Variants in NMU observed in about 807,000 individuals in gnomAD.
NMU encodes neuromedin U.
A neutral mutation model predicts 35.4 loss-of-function variants in NMU; 29 were observed. The ratio of observed to expected loss-of-function variants is 0.82; its 90% CI spans 0.61 to 1.12. The LOEUF is 1.12. NMU is among the 50% of genes most tolerant of loss of function. The pLI, the probability that NMU is intolerant of heterozygous loss-of-function variation, is 0.00. For synonymous variants in NMU, 78 were observed against 81.3 expected, an observed-to-expected ratio of 0.96 and a Z score of 0.22; for missense variants, 199 against 206.2, an observed-to-expected ratio of 0.97 and a Z score of 0.21.
chr4:55,614,785 G>A (rs551426876), intron 3 of NMU, among the ~76,000 whole-genome samples: 6 of 152,134 alleles, frequency 3.9e-5, no homozygotes, highest in Non-Finnish European at 5.9e-5. Flanking sequence ...TTTTGAGGAT[G>A]TTCCTGAATT....
At chr4:55,618,622 C>T (rs1006686681) in intron 2 of NMU, among the ~76,000 whole-genome samples, 1 of 151,312 alleles carries the variant, frequency 6.6e-6, no homozygotes, top group Admixed American at 6.6e-5. Flanking sequence ...TCTCTCTCCT[C>T]TTTCTTCTTT....
chr4:55,617,798 C>G (rs1218387890), intron 2 of NMU, among the ~76,000 whole-genome samples: 1 of 152,184 alleles, frequency 6.6e-6, no homozygotes, highest in Non-Finnish European at 1.5e-5. Flanking sequence ...ACATTACCCA[C>G]TCCAGGGGAA....
chr4:55,631,052 CA>C (rs1481266396), intron 1 of NMU, among the ~76,000 whole-genome samples: 2 of 152,036 alleles, frequency 1.3e-5, no homozygotes, highest in Non-Finnish European at 2.9e-5. Flanking sequence ...TATTCTTCAA[CA>C]AGTATACAAA....
chr4:55,603,585 T>A lies in NMU; in HGVS notation c.435+1690A>T, dbSNP rs943886344. Among the ~76,000 whole-genome samples, 6 of 152,020 alleles carry A rather than the reference T, an allele frequency of 3.9e-5. No homozygotes were observed. The East Asian group carries it at 1.2e-3, about 29-fold the overall frequency. On this transcript the variant is annotated intron_variant, in intron 7 of 9. Transcript: ENST00000264218. ...TGAGATAATATAAGACTGAAAATTA[T>A]AATGTATTACAGCAAGGGAAGGCAT...
At chr4:55,611,610 G>A (rs978306437) in intron 3 of NMU, among the ~76,000 whole-genome samples, 5 of 151,996 alleles carry the variant, frequency 3.3e-5, no homozygotes, top group Non-Finnish European at 7.4e-5. Flanking sequence ...CTATACAAGT[G>A]TATCATTTTT....
chr4:55,601,641 CA>C (rs1229047766), intron 7 of NMU, among the ~76,000 whole-genome samples: 1 of 151,916 alleles, frequency 6.6e-6, no homozygotes, highest in Non-Finnish European at 1.5e-5. Flanking sequence ...TTTAAGTTTT[CA>C]AAATTTAAAA....
chr4:55,636,098 C>A lies in NMU; in HGVS notation c.95G>T (p.Cys32Phe). 6.5e-7 allele frequency: 1 copy of A among 1,530,832 alleles called. No individual in the cohort carries two copies. The highest frequency in any genetic ancestry group is 8.7e-7 in the Non-Finnish European group (1 of 1,145,002). 94.8% of individuals were successfully genotyped at this position (1,530,832 alleles called of 1,614,324 possible). The change falls in exon 1 of 10, where the codon TGC (cysteine) becomes TTC (phenylalanine). Residue 32 changes from cysteine (C) to phenylalanine (F), a missense_variant. By Grantham distance (205) the Cys-to-Phe change is radical (BLOSUM62 -2). Transcript: ENST00000264218. The surrounding 1 kb of genome is among the most constrained non-coding windows in gnomAD (Gnocchi z 4.0). ...CGTCTTACCTCGGCAGGCGCCCGCGCACCAGGCGAGCAGCAGCAGCAGCAG... is the reference window on the plus strand; with the variant it reads ...CGTCTTACCTCGGCAGGCGCCCGCGAACCAGGCGAGCAGCAGCAGCAGCAG... ...LLLLLLLLAW[C>F]AGACRGAPIL...
chr4:55,636,459 C>T, upstream of NMU: 3 of 432,174 alleles, frequency 6.9e-6, no homozygotes, highest in African/African-American at 2.1e-5. This position sits in a 1 kb window ranked among gnomAD's most constrained non-coding sequence, Gnocchi z 4.0. Flanking sequence ...GACCCGAGCC[C>T]CCTAGCCTGA....
intron 7 of NMU, among the ~76,000 whole-genome samples, chr4:55,604,027 A>ACGTATATATGTATAT (rs1733567304): frequency 4.1e-4 from 12 of 28,992 alleles, no homozygotes; most frequent in African/African-American, 1.2e-3. Context: ...GTATATATAT[A>ACGTATATATGTATAT]ATCCTAGAAA....
intron 3 of NMU, among the ~76,000 whole-genome samples, chr4:55,614,783 A>C (rs1011239278): frequency 6.6e-6 from 1 of 152,202 alleles, no homozygotes; most frequent in African/African-American, 2.4e-5. Context: ...GATTTTGAGG[A>C]TGTTCCTGAA....
chr4:55,618,602 C>T (rs931199062), intron 2 of NMU, among the ~76,000 whole-genome samples: 1 of 150,924 alleles, frequency 6.6e-6, no homozygotes, highest in Non-Finnish European at 1.5e-5. Context: ...TTTCTTTCTT[C>T]TCCTTCTTTT....
rs1036028637 is a variant in NMU at position 55,635,957 on chromosome 4, G to C, written c.112+124C>G. On this transcript the variant is annotated intron_variant, in intron 1 of 9. Coordinates refer to ENST00000264218, the MANE Select transcript of NMU (RefSeq NM_006681.4). ...GGAGGCGGGAAACCCCGCGGCACCA[G>C]AGAAGCCAAGTGAAGTCCCAGAAGC... The C allele has an allele frequency of 8.7e-6, 13 of 1,494,104 alleles. No homozygotes were observed. The African/African-American group carries it at 1.5e-4, about 18-fold the overall frequency. The allele number at this position is 1,494,104 out of a possible 1,614,324, so 92.6% of individuals were successfully genotyped here.
In NMU at chr4:55,609,115, CT is replaced by C. The variant is rs753807059; in HGVS notation, c.279+4del. On this transcript the variant is annotated splice_donor_region_variant and intron_variant, in intron 4 of 9. Coordinates refer to ENST00000264218, the MANE Select transcript of NMU (RefSeq NM_006681.4). ...TCTACAAACAAAACACTATTTCAAGCTTACCTGAGGCTTTGGTAGCATTCCC... is the reference window on the plus strand; with the variant it reads ...TCTACAAACAAAACACTATTTCAAGCTACCTGAGGCTTTGGTAGCATTCCC... 3.8e-5 allele frequency: 62 copies of C among 1,612,204 alleles called. No homozygotes were observed. Among genetic ancestry groups the C allele is most frequent in the Non-Finnish European group, 5.0e-5 (59 of 1,178,452 alleles).
intron 2 of NMU, among the ~76,000 whole-genome samples, chr4:55,628,357 C>CT (rs1280266249): frequency 6.6e-6 from 1 of 151,918 alleles, no homozygotes; most frequent in Non-Finnish European, 1.5e-5. Flanking sequence ...TGGTCTATAT[C>CT]TTGTTTTTTT....
intron 1 of NMU, among the ~76,000 whole-genome samples, chr4:55,632,811 C>T (rs1430057215): frequency 2.0e-5 from 3 of 152,112 alleles, no homozygotes; most frequent in Non-Finnish European, 4.4e-5. Flanking sequence ...CACACCGCCT[C>T]ATCAGAACCA....
intron 3 of NMU, among the ~76,000 whole-genome samples, chr4:55,615,938 G>A (rs1383819126): frequency 1.3e-5 from 2 of 152,016 alleles, no homozygotes; most frequent in African/African-American, 2.4e-5. Context: ...TGGTGGAGAC[G>A]GGGTCTTGCT....
chr4:55,627,881 A>G (rs1213021726), intron 2 of NMU, among the ~76,000 whole-genome samples: 1 of 152,258 alleles, frequency 6.6e-6, no homozygotes, highest in Non-Finnish European at 1.5e-5. Flanking sequence ...TTTAGGATTA[A>G]CAAAACTCTT....
rs1392634941 is a variant in NMU at position 55,603,926 on chromosome 4, A to ATATATATAT, written c.435+1348_435+1349insATATATATA. On this transcript the variant is annotated intron_variant, in intron 7 of 9. Coordinates refer to ENST00000264218, the MANE Select transcript of NMU (RefSeq NM_006681.4). ...GAGTCCGTCTCAAAAAAAAAAAAAA[A>ATATATATAT]ATATATATATATATATATATGTATA... 4.6e-5 allele frequency among the ~76,000 whole-genome samples: 2 copies of ATATATATAT among 43,488 alleles called. 1 individual carries two copies. Among genetic ancestry groups the ATATATATAT allele is most frequent in the Non-Finnish European group, 7.9e-5 (2 of 25,360 alleles). 28.5% of individuals were successfully genotyped at this position (43,488 alleles called of 152,430 possible). A position where few individuals can be genotyped will look rare whatever the true frequency, so the allele number is the denominator to read the frequency against.
chr4:55,595,563 T>TATATATACAC (rs755203914), intron 9 of NMU, among the ~76,000 whole-genome samples, 152 bp from the exon 10 acceptor site: 1,578 of 119,946 alleles, frequency 0.013, 16 homozygotes, highest in East Asian at 0.035. Flanking sequence ...TATATATATA[T>TATATATACAC]ACACACACAC....
Sources: gnomAD v4.1 joint callset for allele counts (sites outside exome capture counted in the v4.1 genomes callset) on GRCh38, gnomAD v4.1.1 for gene constraint, Gnocchi (gnomAD v3.1) non-coding constraint, MANE v1.5 for transcripts, NCBI Gene and HGNC (gene_info 2026-07-23, HGNC 2026-07-21) for gene names.